UBXN4: variants seen among roughly 807,000 people sequenced by gnomAD.
UBXN4 encodes the protein UBX domain protein 4, also known as UBX domain-containing protein 4.
UBXN4 carries 35 observed loss-of-function variants against 66.2 expected under a neutral mutation model. The ratio of observed to expected loss-of-function variants is 0.53; its 90% CI spans 0.40 to 0.70. The LOEUF (loss-of-function observed/expected upper bound fraction) is 0.70. Among genes scored for constraint, UBXN4 ranks in the 30% least tolerant of loss-of-function variants. The pLI, the probability that UBXN4 is intolerant of heterozygous loss-of-function variation, is 0.00. For synonymous variants in UBXN4, 203 were observed against 204.5 expected (o/e 0.99, Z 0.06); for missense variants, 533 against 599.8 (o/e 0.89, Z 1.16).
At chr2:135,753,944 G>A (rs2077263080) in intron 3 of UBXN4, 5 of 495,660 alleles carry the variant, frequency 1.0e-5, no homozygotes, top group South Asian at 3.1e-5. Context: ...AGAGGAGAAT[G>A]TAGTAGATTC....
chr2:135,770,500 C>G, intron 7 of UBXN4, 71 bp from the exon 8 acceptor site: 1 of 1,073,804 alleles, frequency 9.3e-7, no homozygotes, highest in Non-Finnish European at 1.3e-6. Context: ...CTGCAGTTTT[C>G]GTTGCATTCA....
chr2:135,777,700 C>T (rs1357966953), intron 10 of UBXN4, among the ~76,000 whole-genome samples: 1 of 151,660 alleles, frequency 6.6e-6, no homozygotes, highest in South Asian at 2.1e-4. Flanking sequence ...GGCTGACCAA[C>T]ATGGTGACCC....
intron 7 of UBXN4, among the ~76,000 whole-genome samples, chr2:135,770,284 G>C (rs1324847684): frequency 6.6e-6 from 1 of 152,120 alleles, no homozygotes; most frequent in Admixed American, 6.5e-5. Flanking sequence ...AGCCAAATAC[G>C]TGACTGCCAT....
At chr2:135,745,205 A>G (rs769786582) in intron 1 of UBXN4, among the ~76,000 whole-genome samples, 1 of 152,026 alleles carries the variant, frequency 6.6e-6, no homozygotes, top group Non-Finnish European at 1.5e-5. Flanking sequence ...GTCATCTTTG[A>G]CTCTTAACTC....
chr2:135,767,717 G>C (rs1022942840), intron 6 of UBXN4, among the ~76,000 whole-genome samples: 5 of 152,082 alleles, frequency 3.3e-5, no homozygotes, highest in Non-Finnish European at 7.4e-5. Context: ...CTGCTATGAG[G>C]AATATTCTTG....
chr2:135,772,443 T>C lies in UBXN4; in HGVS notation c.846T>C (p.Arg282=). ...AGGACCGTGCAGAGAGAGCTGCTCG[T>C]TTTGCAAAGACAAAGGAAGAAGTAG... is the stretch of plus-strand genomic sequence containing the variant. ...IALDRAERAA[R]FAKTKEEVEA... The change falls in exon 9 of 13, where the codon CGT becomes CGC. Residue 282 remains arginine (R), a synonymous_variant. Transcript: ENST00000272638. 1.9e-6 allele frequency: 3 copies of C among 1,614,114 alleles called. No individual in the cohort carries two copies. The highest frequency in any genetic ancestry group is 2.5e-6 in the Non-Finnish European group (3 of 1,179,966).
At chr2:135,776,472 CAA>C (rs2077415363) in intron 10 of UBXN4, 121 bp downstream of exon 10, 1 of 716,906 alleles carries the variant, frequency 1.4e-6, no homozygotes, top group Non-Finnish European at 2.2e-6. Context: ...GAGGGAGGCA[CAA>C]GACGCCTCTG....
chr2:135,782,253 A>G (rs906408325), intron 12 of UBXN4, among the ~76,000 whole-genome samples: 3 of 152,066 alleles, frequency 2.0e-5, no homozygotes, highest in African/African-American at 7.2e-5. Context: ...TTATCCTTAT[A>G]CCTTTGTATT....
chr2:135,776,449 G>C, intron 10 of UBXN4, 98 bp downstream of exon 10: 1 of 1,048,562 alleles, frequency 9.5e-7, no homozygotes, highest in Non-Finnish European at 1.4e-6. Context: ...TGAGTGAATT[G>C]TGACCTCTCC....
At chr2:135,765,612 G>GA (rs1391001685) in intron 6 of UBXN4, among the ~76,000 whole-genome samples, 1 of 151,050 alleles carries the variant, frequency 6.6e-6, no homozygotes, top group African/African-American at 2.4e-5. Flanking sequence ...CCTCAACGTT[G>GA]AAAAAATAGT....
chr2:135,772,375 C>T, intron 8 of UBXN4, 45 bp from the exon 9 acceptor site: 2 of 1,593,398 alleles, frequency 1.3e-6, no homozygotes, highest in Non-Finnish European at 1.7e-6. Flanking sequence ...TGTGAATTAA[C>T]CATTCTGGCA....
Position 135,769,748 on chromosome 2 carries a change from GTTT to G in UBXN4, c.603-10_603-8del, listed in dbSNP as rs372143998. On this transcript the variant is annotated intron_variant, in intron 6 of 12. Transcript: ENST00000272638. Reference sequence around the variant, plus strand: ...ATATGATGTGTCTCAATTAGTGGTGGTTTTTTTTTTTTTAATACAGACTAACAA... The same window carrying G: ...ATATGATGTGTCTCAATTAGTGGTGGTTTTTTTTTTAATACAGACTAACAA... The G allele has an allele frequency of 2.1e-5, 24 of 1,132,222 alleles. No homozygotes were observed. Among genetic ancestry groups the G allele is most frequent in the Admixed American group, 7.7e-5 (3 of 38,928 alleles). 70.1% of individuals were successfully genotyped at this position (1,132,222 alleles called of 1,614,324 possible).
chr2:135,766,095 G>C (rs1384994440), intron 6 of UBXN4, among the ~76,000 whole-genome samples: 1 of 151,786 alleles, frequency 6.6e-6, no homozygotes, highest in African/African-American at 2.4e-5. Context: ...AGAGATTGCA[G>C]TGAGCTGAGA....
rs2077259843 is a variant in UBXN4 at position 135,753,544 on chromosome 2, C to G, written c.191C>G (p.Ala64Gly). The G allele has an allele frequency of 2.0e-6, 3 of 1,524,742 alleles. No individual in the cohort carries two copies. The highest frequency in any genetic ancestry group is 2.6e-6 in the Non-Finnish European group (3 of 1,148,880). The allele number at this position is 1,524,742 out of a possible 1,614,324, so 94.5% of individuals were successfully genotyped here. The change falls in exon 3 of 13, where the codon GCC (alanine) becomes GGC (glycine). Residue 64 changes from alanine to glycine, a missense_variant. Physicochemically the swap from Ala to Gly is moderately conservative, Grantham distance 60. Coordinates refer to ENST00000272638, the MANE Select transcript of UBXN4 (RefSeq NM_014607.4). Reference sequence around the variant, plus strand: ...TGTTTGATTTTGTTTTACAGTGAAGCCTGCCTACAGTTTTCACAAATCTGT... The same window carrying G: ...TGTTTGATTTTGTTTTACAGTGAAGGCTGCCTACAGTTTTCACAAATCTGT... ...VAIKIDTKSE[A>G]CLQFSQIYPV...
intron 4 of UBXN4, 131 bp downstream of exon 4, chr2:135,754,408 C>T (rs571835070): frequency 5.2e-5 from 34 of 649,356 alleles, no homozygotes; most frequent in African/African-American, 2.0e-4. Context: ...GTGCAGCCTC[C>T]GCCTCCCAGG....
Position 135,747,784 on chromosome 2 carries a change from G to A in UBXN4, c.83-483G>A, listed in dbSNP as rs550457635. The A allele has an allele frequency of 2.1e-5, 9 of 424,192 alleles. No homozygotes were observed. The East Asian group carries it at 2.9e-4, about 14-fold the overall frequency. 26.3% of individuals were successfully genotyped at this position (424,192 alleles called of 1,614,324 possible). A position where few individuals can be genotyped will look rare whatever the true frequency, so the allele number is the denominator to read the frequency against. ...TATGTAGGTGGGATTACAGGCATGC[G>A]CCACCACACCTGGCTAAGTAGAGAT... is the stretch of plus-strand genomic sequence containing the variant. On this transcript the variant is annotated intron_variant, in intron 1 of 12. Coordinates refer to ENST00000272638, the MANE Select transcript of UBXN4 (RefSeq NM_014607.4).
chr2:135,771,477 CA>C (rs1342976067), intron 8 of UBXN4, among the ~76,000 whole-genome samples: 1 of 151,106 alleles, frequency 6.6e-6, no homozygotes, highest in African/African-American at 2.4e-5. Context: ...AACTCCATCT[CA>C]AAAAAAAGAA....
chr2:135,760,561 G>A (rs1167513369), intron 5 of UBXN4, among the ~76,000 whole-genome samples: 1 of 152,084 alleles, frequency 6.6e-6, no homozygotes, highest in South Asian at 2.1e-4. Flanking sequence ...CTTTAATTAT[G>A]AGTCATAGAT....
chr2:135,751,218 G>A (rs912798456), intron 2 of UBXN4, among the ~76,000 whole-genome samples: 2 of 148,540 alleles, frequency 1.3e-5, no homozygotes, highest in South Asian at 4.2e-4. Context: ...ACGGAGTCTC[G>A]CTCTGTAGCC....
Sources: gnomAD v4.1 joint callset for allele counts (sites outside exome capture counted in the v4.1 genomes callset) on GRCh38, gnomAD v4.1.1 for gene constraint, MANE v1.5 for transcripts, NCBI Gene and HGNC (gene_info 2026-07-23, HGNC 2026-07-21) for gene names.